The following SLC2A9 variants were observed in gnomAD, a reference collection of about 807,000 sequenced individuals.
SLC2A9 encodes the protein solute carrier family 2, facilitated glucose transporter member 9.
In SLC2A9, 39 loss-of-function variants were observed where a neutral mutation model predicts 50.6. That is an observed-to-expected ratio of 0.77 (90% CI 0.60 to 1.01). The LOEUF (loss-of-function observed/expected upper bound fraction) is 1.01, where lower values mean the gene tolerates loss of function less well. Ranked by LOEUF, SLC2A9 falls within the 50% of genes least tolerant of loss-of-function variation. The pLI is 0.00. For missense variants in SLC2A9, 686 were observed against 677.6 expected (o/e 1.01, Z -0.14); for synonymous variants, 324 against 276.9 (o/e 1.17, Z -1.69).
chr4:9,915,938 T>C (rs901827270), intron 7 of SLC2A9, among the ~76,000 whole-genome samples: 4 of 152,200 alleles, frequency 2.6e-5, no homozygotes, highest in Non-Finnish European at 4.4e-5. Context: ...GCTCCAGAAC[T>C]CCTAATGATG....
chr4:9,902,692 C>T (rs540837528), intron 8 of SLC2A9, among the ~76,000 whole-genome samples: 23 of 152,254 alleles, frequency 1.5e-4, no homozygotes, highest in African/African-American at 2.9e-4. Flanking sequence ...TTTTAGAGGG[C>T]GTTCTGCCTG....
chr4:10,028,303 G>A (rs774465418), intron 1 of SLC2A9, among the ~76,000 whole-genome samples: 21 of 152,356 alleles, frequency 1.4e-4, no homozygotes, highest in Non-Finnish European at 2.6e-4. Context: ...CCATAAATGC[G>A]AATGCAGCAC....
chr4:9,970,984 C>T (rs1468671916), intron 5 of SLC2A9, among the ~76,000 whole-genome samples: 1 of 152,190 alleles, frequency 6.6e-6, no homozygotes, highest in Non-Finnish European at 1.5e-5. Context: ...ACATGCAGCC[C>T]CCGTCATGTA....
chr4:9,904,975 C>A (rs1184235301), intron 8 of SLC2A9, among the ~76,000 whole-genome samples: 1 of 152,220 alleles, frequency 6.6e-6, no homozygotes, highest in African/African-American at 2.4e-5. Context: ...TCTGCTGGCC[C>A]TTCAGCTCTC....
chr4:9,867,295 A>G (rs1229431093), intron 10 of SLC2A9, among the ~76,000 whole-genome samples: 1 of 152,240 alleles, frequency 6.6e-6, no homozygotes, highest in African/African-American at 2.4e-5. Flanking sequence ...GTTTCCTTCA[A>G]GGCCTGGTTC....
At chr4:9,949,861 G>T (rs1242598129) in intron 5 of SLC2A9, among the ~76,000 whole-genome samples, 2 of 152,124 alleles carry the variant, frequency 1.3e-5, no homozygotes, top group Non-Finnish European at 2.9e-5. Context: ...CATTCCATAG[G>T]GTTGCTTTGT....
At chr4:9,908,776 C>T (rs1198896490) in intron 7 of SLC2A9, among the ~76,000 whole-genome samples, 4 of 152,118 alleles carry the variant, frequency 2.6e-5, no homozygotes, top group Non-Finnish European at 4.4e-5. Flanking sequence ...TAAAAGACTA[C>T]ACTTCCCAGT....
chr4:9,982,055 T>A (rs887596269), intron 4 of SLC2A9, among the ~76,000 whole-genome samples: 2 of 152,190 alleles, frequency 1.3e-5, no homozygotes, highest in African/African-American at 4.8e-5. Context: ...CTAATTTTTG[T>A]ATTTTTAGTA....
upstream of SLC2A9, chr4:10,025,781 G>T (rs1461907841): frequency 1.2e-5 from 11 of 894,418 alleles, no homozygotes; most frequent in Admixed American, 1.1e-4. Context: ...TTCAGCTGCT[G>T]CTCACTCTTT....
intron 4 of SLC2A9, among the ~76,000 whole-genome samples, chr4:9,983,619 C>T (rs959864998): frequency 6.6e-6 from 1 of 152,226 alleles, no homozygotes; most frequent in African/African-American, 2.4e-5. Context: ...ACCGCAGACA[C>T]ATGAGAAGGC....
chr4:9,908,161 G>A, intron 8 of SLC2A9, 74 bp downstream of exon 8: 2 of 1,002,486 alleles, frequency 2.0e-6, no homozygotes, highest in Non-Finnish European at 3.2e-6. Flanking sequence ...GTGCCTTAAA[G>A]GACCTTATGA....
chr4:9,874,948 T>C (rs1734059429), intron 10 of SLC2A9, among the ~76,000 whole-genome samples: 1 of 140,788 alleles, frequency 7.1e-6, no homozygotes, highest in Non-Finnish European at 1.6e-5. Context: ...GGTTAGCGTC[T>C]GTCTAAGATG....
At chr4:10,038,165 T>C (rs982253421) in intron 1 of SLC2A9, among the ~76,000 whole-genome samples, 1 of 151,944 alleles carries the variant, frequency 6.6e-6, no homozygotes, top group African/African-American at 2.4e-5. Context: ...GTCCCTTACA[T>C]AGTATGTGTA....
At chr4:9,979,865 C>A (rs1200472206) in intron 5 of SLC2A9, among the ~76,000 whole-genome samples, 1 of 152,140 alleles carries the variant, frequency 6.6e-6, no homozygotes, top group Admixed American at 6.5e-5. Flanking sequence ...GGGCTGTGCC[C>A]CATCTTGAGC....
intron 6 of SLC2A9, among the ~76,000 whole-genome samples, chr4:9,925,874 C>T (rs60956448): frequency 0.035 from 5,262 of 152,208 alleles, 318 homozygotes; most frequent in African/African-American, 0.12. Context: ...AGTATCTGTT[C>T]GGTGTTCTCC....
intron 3 of SLC2A9, among the ~76,000 whole-genome samples, chr4:9,991,177 G>A (rs1190436945): frequency 6.6e-6 from 1 of 152,110 alleles, no homozygotes; most frequent in Non-Finnish European, 1.5e-5. Flanking sequence ...GCCTTGCCTG[G>A]CTCCTTCCCC....
intron 3 of SLC2A9, among the ~76,000 whole-genome samples, chr4:9,785,108 T>C (rs11726471): frequency 0.48 from 72,423 of 152,006 alleles, 20,624 homozygotes; most frequent in Non-Finnish European, 0.64. Flanking sequence ...AGCGAACCAT[T>C]AGGCAACATT....
chr4:10,032,193 C>T (rs923204134), intron 1 of SLC2A9, among the ~76,000 whole-genome samples: 2 of 152,118 alleles, frequency 1.3e-5, no homozygotes, highest in African/African-American at 4.8e-5. Flanking sequence ...TTATAGCAAA[C>T]TCTAGAAAGC....
chr4:9,852,518 C>T (rs1350670360), intron 10 of SLC2A9, among the ~76,000 whole-genome samples: 2 of 152,106 alleles, frequency 1.3e-5, no homozygotes, highest in African/African-American at 2.4e-5. Context: ...TCCCAAAGTG[C>T]TGGGATTACA....
Sources: gnomAD v4.1 joint callset for allele counts (sites outside exome capture counted in the v4.1 genomes callset) on GRCh38, gnomAD v4.1.1 for gene constraint, MANE v1.5 for transcripts, NCBI Gene and HGNC (gene_info 2026-07-23, HGNC 2026-07-21) for gene names.